Variants in LRTM1 observed in about 807,000 individuals in gnomAD.
The protein encoded by LRTM1 is leucine-rich repeat and transmembrane domain-containing protein 1.
In LRTM1, 38 loss-of-function variants were observed where a neutral mutation model predicts 32.4. The ratio of observed to expected loss-of-function variants is 1.17; its 90% CI spans 0.91 to 1.54. The LOEUF is 1.54. LRTM1 is among the 40% of genes most tolerant of loss of function. The pLI is 0.00. For missense variants in LRTM1, 466 were observed against 415.4 expected, an observed-to-expected ratio of 1.12 and a Z score of -1.06; for synonymous variants, 186 against 169.9, an observed-to-expected ratio of 1.09 and a Z score of -0.74.
At chr3:54,951,824 GTCT>G (rs1446511872) in intron 1 of LRTM1, among the ~76,000 whole-genome samples, 29 of 152,156 alleles carry the variant, frequency 1.9e-4, no homozygotes, top group Non-Finnish European at 4.4e-5. Context: ...TCTATTTTCT[GTCT>G]TCTTAGGACC....
chr3:54,951,633 C>G (rs1701759643), intron 1 of LRTM1, among the ~76,000 whole-genome samples: 1 of 151,872 alleles, frequency 6.6e-6, no homozygotes, highest in African/African-American at 2.4e-5. Flanking sequence ...CTGAGTCAGG[C>G]GTGCAGGGCT....
chr3:54,943,865 C>T (rs78698388), intron 1 of LRTM1, among the ~76,000 whole-genome samples: 2,046 of 152,232 alleles, frequency 0.013, 43 homozygotes, highest in African/African-American at 0.046. Flanking sequence ...CTCCTAAACC[C>T]TCATGCCTTC....
Position 54,924,680 on chromosome 3 carries a change from G to A in LRTM1, c.543C>T (p.Leu181=). The change falls in exon 2 of 3, where the codon CTC becomes CTT. Residue 181 remains leucine (L), a synonymous_variant. Transcript: ENST00000273286. ...SVRLLLLKDN[L]WKCNCHLLGL... The stretch of plus-strand genomic sequence containing the variant: ...CGAGCAAGTGGCAATTGCATTTCCA[G>A]AGGTTGTCCTTGAGAAGTAAAAGCC... The A allele has an allele frequency of 6.2e-7, 1 of 1,614,164 alleles. No individual in the cohort carries two copies. Among genetic ancestry groups the A allele is most frequent in the Non-Finnish European group, 8.5e-7 (1 of 1,180,020 alleles).
intron 1 of LRTM1, among the ~76,000 whole-genome samples, chr3:54,954,794 T>C (rs1168859031): frequency 4.6e-5 from 7 of 152,150 alleles, no homozygotes; most frequent in Admixed American, 4.6e-4. Flanking sequence ...CATGGAATGC[T>C]TTAGCTGAGG....
chr3:54,944,214 G>T (rs1408515027), intron 1 of LRTM1, among the ~76,000 whole-genome samples: 1 of 152,076 alleles, frequency 6.6e-6, no homozygotes, highest in Non-Finnish European at 1.5e-5. Flanking sequence ...CATTCATTGT[G>T]CTGAGGACCT....
chr3:54,965,504 G>A (rs376820655), intron 1 of LRTM1, among the ~76,000 whole-genome samples: 13 of 152,194 alleles, frequency 8.5e-5, no homozygotes, highest in South Asian at 4.2e-4. Context: ...TTCTCTGCAC[G>A]CTCCAGTTCT....
chr3:54,918,508 T>A lies in LRTM1; in HGVS notation c.989A>T (p.Asp330Val), dbSNP rs1410316100. The A allele has an allele frequency of 6.2e-7, 1 of 1,614,036 alleles. No individual in the cohort carries two copies. The highest frequency in any genetic ancestry group is 1.7e-5 in the Admixed American group (1 of 60,012). ...YHGGPLAQTN[D>V]PGKVEEKERF... ...CTCTTTTTCTTCCACCTTCCCAGGA[T>A]CATTGGTTTGAGCCAAGGGTCCCCC... The change falls in exon 3 of 3, where the codon GAT becomes GTT. Residue 330 changes from aspartate to valine, a missense_variant. Coordinates refer to ENST00000273286, the MANE Select transcript of LRTM1 (RefSeq NM_020678.4).
At chr3:54,947,528 G>C (rs1407713541) in intron 1 of LRTM1, among the ~76,000 whole-genome samples, 1 of 152,158 alleles carries the variant, frequency 6.6e-6, no homozygotes, top group African/African-American at 2.4e-5. Flanking sequence ...TGTTGAGTCT[G>C]TGGGTTAGCA....
upstream of LRTM1, among the ~76,000 whole-genome samples, chr3:54,928,462 G>A (rs143363374): frequency 2.2e-4 from 33 of 152,276 alleles, no homozygotes; most frequent in African/African-American, 6.5e-4. Flanking sequence ...AGCAGAGCCC[G>A]CAGAGTGTGT....
At chr3:54,948,675 A>G (rs952427866) in intron 1 of LRTM1, among the ~76,000 whole-genome samples, 3 of 152,210 alleles carry the variant, frequency 2.0e-5, no homozygotes, top group Non-Finnish European at 1.5e-5. Flanking sequence ...GAAGGGCACC[A>G]TTCATGCCAC....
At chr3:54,933,611 C>A (rs1701259973) in intron 1 of LRTM1, among the ~76,000 whole-genome samples, 1 of 152,300 alleles carries the variant, frequency 6.6e-6, no homozygotes, top group Non-Finnish European at 1.5e-5. Flanking sequence ...GTTTCTGCCT[C>A]CACATTTTAT....
At chr3:54,959,306 A>G (rs955968219) in intron 1 of LRTM1, among the ~76,000 whole-genome samples, 1 of 152,184 alleles carries the variant, frequency 6.6e-6, no homozygotes, top group African/African-American at 2.4e-5. Context: ...TGGGAGCTCC[A>G]CAGGGGACTC....
intron 1 of LRTM1, among the ~76,000 whole-genome samples, chr3:54,959,291 G>A (rs1701977244): frequency 6.6e-6 from 1 of 152,188 alleles, no homozygotes; most frequent in Non-Finnish European, 1.5e-5. Context: ...GAGGGAATTT[G>A]AGTTTGGGAG....
chr3:54,952,540 G>A (rs1363005001), intron 1 of LRTM1, among the ~76,000 whole-genome samples: 2 of 152,182 alleles, frequency 1.3e-5, no homozygotes, highest in African/African-American at 4.8e-5. Context: ...TAAGCAGACG[G>A]AATGTCAATC....
At chr3:54,965,532 C>G (rs896317065) in intron 1 of LRTM1, among the ~76,000 whole-genome samples, 29 of 152,290 alleles carry the variant, frequency 1.9e-4, no homozygotes, top group African/African-American at 6.3e-4. Context: ...TCTAGTGTAG[C>G]TTTTACAATG....
At chr3:54,936,041 G>T (rs1470847645) in intron 1 of LRTM1, among the ~76,000 whole-genome samples, 1 of 152,054 alleles carries the variant, frequency 6.6e-6, no homozygotes, top group Non-Finnish European at 1.5e-5. Flanking sequence ...ACATTTACTG[G>T]CTGTGTGGCC....
At chr3:54,941,106 C>T (rs1701455314) in intron 1 of LRTM1, among the ~76,000 whole-genome samples, 3 of 152,074 alleles carry the variant, frequency 2.0e-5, no homozygotes, top group South Asian at 2.1e-4. Flanking sequence ...CGAGTAATGC[C>T]GTGAATGTTT....
At chr3:54,953,292 A>G (rs930480674) in intron 1 of LRTM1, among the ~76,000 whole-genome samples, 1 of 152,232 alleles carries the variant, frequency 6.6e-6, no homozygotes, top group Admixed American at 6.5e-5. Flanking sequence ...TGAAACAGGC[A>G]GGACTCAGCC....
upstream of LRTM1, among the ~76,000 whole-genome samples, chr3:54,930,433 A>T (rs945649543): frequency 6.6e-6 from 1 of 152,226 alleles, no homozygotes; most frequent in African/African-American, 2.4e-5. Flanking sequence ...ACAGACAGAG[A>T]ATTTAAATAC....
Sources: allele counts gnomAD v4.1 joint callset (sites outside exome capture counted in the v4.1 genomes callset), GRCh38; gene constraint gnomAD v4.1.1; transcripts MANE v1.5; gene names NCBI Gene and HGNC (gene_info 2026-07-23, HGNC 2026-07-21).